STARD10: variants seen among roughly 807,000 people sequenced by gnomAD.
STARD10 encodes the protein StAR related lipid transfer domain containing 10.
A neutral mutation model predicts 36.0 loss-of-function variants in STARD10; 24 were observed. That is an observed-to-expected ratio of 0.67 (90% confidence interval 0.48 to 0.94). STARD10 has a LOEUF of 0.94. Ranked by LOEUF, STARD10 falls within the 40% of genes least tolerant of loss-of-function variation. The probability of loss-of-function intolerance (pLI) is 0.00; values close to 1 mark genes in which losing one functional copy is unlikely to be tolerated. For missense variants in STARD10, 335 were observed against 396.6 expected, an observed-to-expected ratio of 0.84 and a Z score of 1.32; for synonymous variants, 156 against 161.9, an observed-to-expected ratio of 0.96 and a Z score of 0.28.
chr11:72,780,295 G>T, intron 2 of STARD10: 6 of 390,150 alleles, frequency 1.5e-5, no homozygotes, highest in Non-Finnish European at 3.2e-5. Context: ...GGCTGTGAGC[G>T]ACTGATGTGT....
chr11:72,758,745 T>G, intron 3 of STARD10, 112 bp from the exon 4 acceptor site: 3 of 720,338 alleles, frequency 4.2e-6, no homozygotes, highest in Non-Finnish European at 7.0e-6. Context: ...AGCTCTCCAG[T>G]GCAAAGATAC....
At chr11:72,769,516 G>A (rs1239430314) in intron 2 of STARD10, among the ~76,000 whole-genome samples, 1 of 152,056 alleles carries the variant, frequency 6.6e-6, no homozygotes, top group African/African-American at 2.4e-5. Context: ...GCTAATTTTT[G>A]TATTTTTTGT....
chr11:72,779,195 G>C (rs765548178), intron 2 of STARD10, among the ~76,000 whole-genome samples: 1 of 152,178 alleles, frequency 6.6e-6, no homozygotes, highest in Non-Finnish European at 1.5e-5. Context: ...TGCACTGCCC[G>C]CCTGAAGCCT....
At chr11:72,779,579 C>A (rs1245554426) in intron 2 of STARD10, among the ~76,000 whole-genome samples, 1 of 151,692 alleles carries the variant, frequency 6.6e-6, no homozygotes, top group Admixed American at 6.6e-5. Flanking sequence ...CAGAGTGAGG[C>A]TTCTCAAAAA....
chr11:72,791,699 G>A (rs796122694), intron 1 of STARD10, among the ~76,000 whole-genome samples: 5 of 147,344 alleles, frequency 3.4e-5, no homozygotes, highest in African/African-American at 7.5e-5. Flanking sequence ...GTGAAATTCC[G>A]TCTCAAAAAA....
At chr11:72,772,686 C>T (rs953029294) in intron 2 of STARD10, among the ~76,000 whole-genome samples, 3 of 152,118 alleles carry the variant, frequency 2.0e-5, no homozygotes, top group Admixed American at 6.5e-5. Context: ...TCTTTCTCTG[C>T]CATCAGGATA....
chr11:72,784,971 A>G (rs897514313), intron 1 of STARD10, among the ~76,000 whole-genome samples: 2 of 152,234 alleles, frequency 1.3e-5, no homozygotes, highest in African/African-American at 4.8e-5. Context: ...TGCATCACAC[A>G]GCAAGTCAGA....
At chr11:72,769,099 G>T (rs1321823447) in intron 2 of STARD10, among the ~76,000 whole-genome samples, 2 of 152,186 alleles carry the variant, frequency 1.3e-5, no homozygotes, top group African/African-American at 2.4e-5. Context: ...AAAGGGCTGG[G>T]GGGTGGAGGC....
At chr11:72,770,424 G>C (rs1858840396) in intron 2 of STARD10, among the ~76,000 whole-genome samples, 1 of 152,136 alleles carries the variant, frequency 6.6e-6, no homozygotes. Context: ...CGCCATGTTG[G>C]CCAGAATGGT....
At chr11:72,777,726 T>C (rs545648425) in intron 2 of STARD10, among the ~76,000 whole-genome samples, 38 of 152,330 alleles carry the variant, frequency 2.5e-4, no homozygotes, top group South Asian at 1.4e-3. Context: ...CCCTTTCTCT[T>C]TGTCCTGGCT....
At position 72,759,309 on chromosome 11, in the gene STARD10, T is replaced by C; in HGVS notation, c.280A>G (p.Lys94Glu). ...GTCTCAATGACGTTGCTGTCCCATT[T>C]CTTGCGGTACTCAATGTCGTGTAGG... ...DVLHDIEYRK[K>E]WDSNVIETFD... Residue 94 changes from lysine to glutamate, a missense_variant, in exon 3 of 7, where the codon AAA becomes GAA. Lys to Glu is a moderately conservative substitution (Grantham distance 56, BLOSUM62 1). Transcript: ENST00000334805. 3 of 1,614,116 alleles carry C rather than the reference T, an allele frequency of 1.9e-6. No individual in the cohort carries two copies. The highest frequency in any genetic ancestry group is 2.5e-6 in the Non-Finnish European group (3 of 1,180,022).
At chr11:72,786,942 A>C (rs910106410) in intron 1 of STARD10, among the ~76,000 whole-genome samples, 13 of 152,156 alleles carry the variant, frequency 8.5e-5, no homozygotes, top group African/African-American at 2.7e-4. Context: ...TTAGCTGGGC[A>C]TGGTGGCACA....
intron 2 of STARD10, among the ~76,000 whole-genome samples, chr11:72,772,594 C>T (rs911466962): frequency 2.0e-5 from 3 of 152,148 alleles, no homozygotes; most frequent in African/African-American, 7.2e-5. Context: ...GGCCAGGGAG[C>T]TTTTTAAAAC....
Position 72,754,802 on chromosome 11 carries a change from A to G in STARD10, c.*95T>C. Reference sequence around the variant, plus strand: ...ACCCGCCTGGGCCTGGCCCGGTGCCACCAGGTGCCGGGTGGGGGAGGGGAG... The same window carrying G: ...ACCCGCCTGGGCCTGGCCCGGTGCCGCCAGGTGCCGGGTGGGGGAGGGGAG... On this transcript the variant is annotated 3_prime_UTR_variant, in exon 7 of 7. Transcript: ENST00000334805. The G allele has an allele frequency of 6.6e-7, 1 of 1,513,704 alleles. No homozygotes were observed. The highest frequency in any genetic ancestry group is 8.8e-7 in the Non-Finnish European group (1 of 1,130,810). The allele number at this position is 1,513,704 out of a possible 1,614,324, so 93.8% of individuals were successfully genotyped here. A position where few individuals can be genotyped will look rare whatever the true frequency, so the allele number is the denominator to read the frequency against.
At position 72,779,049 on chromosome 11, in the gene STARD10, T is replaced by C. The variant is rs185010116; in HGVS notation, c.207+1926A>G. Among the ~76,000 whole-genome samples, 415 of 152,258 alleles carry C rather than the reference T, an allele frequency of 2.7e-3. 1 individual carries two copies. Among genetic ancestry groups the C allele is most frequent in the African/African-American group, 9.6e-3 (397 of 41,544 alleles). On this transcript the variant is annotated intron_variant, in intron 2 of 6. Transcript: ENST00000334805. ...GCCTGGGCTGGGTAGGGTTTATTCA[T>C]TAACCAAGCCAGATGGAGGAGGTAG...
At chr11:72,755,854 T>G in intron 5 of STARD10, 101 bp from the exon 6 acceptor site, 1 of 1,104,080 alleles carries the variant, frequency 9.1e-7, no homozygotes, top group Non-Finnish European at 1.3e-6. Context: ...GAGGCCACTG[T>G]CTTCCCCATG....
chr11:72,777,390 C>A (rs1858940699), intron 2 of STARD10, among the ~76,000 whole-genome samples: 1 of 152,212 alleles, frequency 6.6e-6, no homozygotes, highest in Non-Finnish European at 1.5e-5. Context: ...CAGGAATGTG[C>A]CCAAGGTCAC....
chr11:72,755,185 G>C (rs769582932), intron 6 of STARD10, 43 bp from the exon 7 acceptor site: 1 of 1,569,162 alleles, frequency 6.4e-7, no homozygotes, highest in Admixed American at 1.8e-5. Context: ...TGGCTAGGGG[G>C]CAGGTCTTCT....
chr11:72,775,751 C>T lies in STARD10; in HGVS notation c.207+5224G>A, dbSNP rs541182793. On this transcript the variant is annotated intron_variant, in intron 2 of 6. Transcript: ENST00000334805. ...TGCCCTCTCCATCCCCCACCTCCAG[C>T]ACAGGGCCAAGCAGAAAGAGGGTAA... Among the ~76,000 whole-genome samples the T allele has an allele frequency of 2.6e-5, 4 of 152,140 alleles. No individual in the cohort carries two copies. The East Asian group carries it at 7.7e-4, about 29-fold the overall frequency.
Sources: gnomAD v4.1 joint callset for allele counts (sites outside exome capture counted in the v4.1 genomes callset) on GRCh38, gnomAD v4.1.1 for gene constraint, MANE v1.5 for transcripts, NCBI Gene and HGNC (gene_info 2026-07-23, HGNC 2026-07-21) for gene names.